EPHB2: variants seen among roughly 807,000 people sequenced by gnomAD.
The protein encoded by EPHB2 is EPH receptor B2, also known as ephrin type-B receptor 2.
Under a neutral mutation model 96.4 loss-of-function variants are expected in EPHB2, and 18 were observed. The observed-to-expected ratio is 0.19, with a 90% CI of 0.13 to 0.28. The LOEUF (loss-of-function observed/expected upper bound fraction) is 0.28, where lower values mean the gene tolerates loss of function less well. Among genes scored for constraint, EPHB2 ranks in the 10% least tolerant of loss-of-function variants. The pLI, the probability that EPHB2 is intolerant of heterozygous loss-of-function variation, is 1.00. For synonymous variants in EPHB2, 506 were observed against 534.1 expected (o/e 0.95, Z 0.72); for missense variants, 989 against 1,355.4 (o/e 0.73, Z 4.25).
chr1:22,769,299 TGCTTG>T (rs1232699096), intron 1 of EPHB2, among the ~76,000 whole-genome samples: 4 of 152,196 alleles, frequency 2.6e-5, no homozygotes, highest in Admixed American at 2.0e-4. Context: ...GCTTGGAAAG[TGCTTG>T]GGAACTAGTG....
chr1:22,884,244 G>A (rs973089916), intron 6 of EPHB2, among the ~76,000 whole-genome samples: 3 of 152,166 alleles, frequency 2.0e-5, no homozygotes, highest in South Asian at 2.1e-4. Flanking sequence ...GGTGGCTCAC[G>A]CCTGTAATCC....
At chr1:22,804,736 C>T (rs564087434) in intron 3 of EPHB2, among the ~76,000 whole-genome samples, 58 of 151,854 alleles carry the variant, frequency 3.8e-4, no homozygotes, top group Middle Eastern at 3.4e-3. Context: ...TCCCACCTGC[C>T]TCTTCTCTCC....
intron 1 of EPHB2, among the ~76,000 whole-genome samples, chr1:22,756,051 G>C (rs1644144610): frequency 6.6e-6 from 1 of 152,070 alleles, no homozygotes; most frequent in Non-Finnish European, 1.5e-5. Flanking sequence ...ATGGACTCAG[G>C]ACAAGTGGGG....
intron 3 of EPHB2, among the ~76,000 whole-genome samples, chr1:22,848,577 C>T (rs1362118047): frequency 6.6e-6 from 1 of 152,176 alleles, no homozygotes; most frequent in Non-Finnish European, 1.5e-5. Context: ...GCTGCCAAGC[C>T]ACATCTTGTG....
chr1:22,732,756 A>G (rs1486704754), intron 1 of EPHB2, among the ~76,000 whole-genome samples: 3 of 152,168 alleles, frequency 2.0e-5, no homozygotes, highest in Non-Finnish European at 4.4e-5. Flanking sequence ...GCGCGCTCAC[A>G]TTGATATCTC....
At chr1:22,795,292 G>T (rs1330288682) in intron 3 of EPHB2, among the ~76,000 whole-genome samples, 1 of 152,210 alleles carries the variant, frequency 6.6e-6, no homozygotes, top group Non-Finnish European at 1.5e-5. Flanking sequence ...AGAACTTGCA[G>T]AGCCTCCCTA....
chr1:22,862,971 C>A, intron 3 of EPHB2, 66 bp from the exon 4 acceptor site: 2 of 1,606,494 alleles, frequency 1.2e-6, no homozygotes, highest in Non-Finnish European at 1.7e-6. Flanking sequence ...CGTGAGGCTG[C>A]GTGGCTCGTG....
intron 5 of EPHB2, among the ~76,000 whole-genome samples, chr1:22,872,377 C>A (rs57332227): frequency 0.16 from 24,858 of 152,108 alleles, 2,861 homozygotes; most frequent in East Asian, 0.47. Context: ...CCTGGATAAT[C>A]TAGGAAAATC....
chr1:22,897,667 A>C (rs1481491578), intron 9 of EPHB2, among the ~76,000 whole-genome samples: 1 of 152,126 alleles, frequency 6.6e-6, no homozygotes, highest in African/African-American at 2.4e-5. Flanking sequence ...TGTGCCTGTA[A>C]TCCCAGCTAC....
chr1:22,725,985 G>T (rs1467154570), intron 1 of EPHB2, among the ~76,000 whole-genome samples: 1 of 152,186 alleles, frequency 6.6e-6, no homozygotes, highest in Non-Finnish European at 1.5e-5. Flanking sequence ...GTCTCCTCCA[G>T]ACTGATCTGT....
chr1:22,804,924 C>T (rs1000539849), intron 3 of EPHB2, among the ~76,000 whole-genome samples: 56 of 152,162 alleles, frequency 3.7e-4, no homozygotes, highest in African/African-American at 1.3e-3. Context: ...ATTTCCTTCT[C>T]TAAGGGGACC....
chr1:22,870,889 G>T (rs1638641965), intron 5 of EPHB2, among the ~76,000 whole-genome samples: 1 of 152,216 alleles, frequency 6.6e-6, no homozygotes, highest in Admixed American at 6.5e-5. Context: ...CTTCCTCATG[G>T]ATAGCTTCGC....
chr1:22,895,727 A>C, intron 8 of EPHB2, 147 bp downstream of exon 8: 1 of 765,702 alleles, frequency 1.3e-6, no homozygotes, highest in Non-Finnish European at 2.1e-6. Context: ...GGAAGGCTTC[A>C]AGTGGCTTCC....
chr1:22,765,890 G>A (rs942525109), intron 1 of EPHB2, among the ~76,000 whole-genome samples: 1 of 152,168 alleles, frequency 6.6e-6, no homozygotes. Context: ...TGGGGTGGGG[G>A]CAGAGGGGAC....
At chr1:22,788,705 A>T (rs1158756183) in intron 3 of EPHB2, among the ~76,000 whole-genome samples, 2 of 151,906 alleles carry the variant, frequency 1.3e-5, no homozygotes, top group Non-Finnish European at 2.9e-5. Flanking sequence ...AGATGGGGCC[A>T]AGAATCAGCA....
chr1:22,915,382 G>A lies in EPHB2; in HGVS notation c.*1812G>A, dbSNP rs950779513. The stretch of plus-strand genomic sequence containing the variant: ...AGACCTTGGTACCCTTGGGATGCAC[G>A]TGACCCAGGTGCTAAGGGTTGCTCT... On this transcript the variant is annotated 3_prime_UTR_variant, in exon 16 of 16. Coordinates refer to ENST00000374630, the MANE Select transcript of EPHB2 (RefSeq NM_017449.5). The A allele has an allele frequency of 2.0e-5, 3 of 152,190 alleles. No individual in the cohort carries two copies. Among genetic ancestry groups the A allele is most frequent in the South Asian group, 2.1e-4 (1 of 4,834 alleles). 9.4% of individuals were successfully genotyped at this position (152,190 alleles called of 1,614,324 possible).
intron 5 of EPHB2, among the ~76,000 whole-genome samples, chr1:22,868,233 G>A (rs973202472): frequency 6.6e-6 from 1 of 152,142 alleles, no homozygotes; most frequent in African/African-American, 2.4e-5. Flanking sequence ...TGGACGTGAG[G>A]GGTTTCCGGG....
intron 3 of EPHB2, among the ~76,000 whole-genome samples, chr1:22,852,599 G>A (rs1442794717): frequency 6.6e-6 from 1 of 152,182 alleles, no homozygotes; most frequent in East Asian, 1.9e-4. Flanking sequence ...GGCAATGCGG[G>A]GGTCCAGGGG....
chr1:22,730,968 G>T (rs1449074519), intron 1 of EPHB2, among the ~76,000 whole-genome samples: 1 of 152,086 alleles, frequency 6.6e-6, no homozygotes, highest in Non-Finnish European at 1.5e-5. Flanking sequence ...AGCGGGCAGT[G>T]GTGGGGAGTT....
Sources: allele counts gnomAD v4.1 joint callset (sites outside exome capture counted in the v4.1 genomes callset), GRCh38; gene constraint gnomAD v4.1.1; transcripts MANE v1.5; gene names NCBI Gene and HGNC (gene_info 2026-07-23, HGNC 2026-07-21).